Variants in BAG3 observed in about 807,000 individuals in gnomAD.
The protein encoded by BAG3 is BAG cochaperone 3.
A neutral mutation model predicts 40.5 loss-of-function variants in BAG3; 14 were observed. The ratio of observed to expected loss-of-function variants is 0.35; its 90% confidence interval spans 0.23 to 0.54. BAG3 has a LOEUF of 0.54. BAG3 is among the 20% of genes least tolerant of loss of function. BAG3 has a pLI of 0.91. For synonymous variants in BAG3, 302 were observed against 307.8 expected (o/e 0.98, Z 0.20); for missense variants, 788 against 758.6 (o/e 1.04, Z -0.46).
chr10:119,663,463 A>G (rs966986174), intron 1 of BAG3, among the ~76,000 whole-genome samples: 45 of 152,038 alleles, frequency 3.0e-4, no homozygotes, highest in African/African-American at 1.1e-3. Flanking sequence ...CGCCACGGCC[A>G]GCTAATTTTT....
chr10:119,670,199 C>A (rs1375203684), intron 2 of BAG3, 22 bp downstream of exon 2: 1 of 1,585,746 alleles, frequency 6.3e-7, no homozygotes. Context: ...CCAGGCTCAC[C>A]AGCCTGCTGG....
Position 119,677,371 on chromosome 10 carries a change from G to GT in BAG3, c.*94dup. ...CATTTCAGAGACTTTAAGTCAGTTG[G>GT]TTTTTATTAGCTGCTTGGTATGCAG... On this transcript the variant is annotated 3_prime_UTR_variant, in exon 4 of 4. Transcript: ENST00000369085. 1 of 1,533,572 alleles carries GT rather than the reference G, an allele frequency of 6.5e-7. No homozygotes were observed. Among genetic ancestry groups the GT allele is most frequent in the Non-Finnish European group, 8.9e-7 (1 of 1,120,178 alleles). The allele number at this position is 1,533,572 out of a possible 1,614,324, so 95.0% of individuals were successfully genotyped here.
At chr10:119,670,469 T>C (rs943496372) in intron 2 of BAG3, among the ~76,000 whole-genome samples, 9 of 152,360 alleles carry the variant, frequency 5.9e-5, no homozygotes, top group Admixed American at 3.9e-4. Context: ...CTGCTCCAGA[T>C]GCACACAGGT....
At chr10:119,666,011 C>G (rs1847061270) in intron 1 of BAG3, among the ~76,000 whole-genome samples, 1 of 152,190 alleles carries the variant, frequency 6.6e-6, no homozygotes, top group Admixed American at 6.5e-5. Context: ...TCCAGCTGTG[C>G]CGGCAGGCTT....
chr10:119,667,825 A>G (rs1004463791), intron 1 of BAG3, among the ~76,000 whole-genome samples: 1 of 152,204 alleles, frequency 6.6e-6, no homozygotes, highest in African/African-American at 2.4e-5. Flanking sequence ...GGAAGAAACA[A>G]TGAGCCCCTG....
chr10:119,651,556 C>A lies in BAG3; in HGVS notation c.-120C>A. ...GCCTTTAATTCATAAAGGTGCCCGG[C>A]GCCGGCTTCCCGGACACGTCGGCGG... On this transcript the variant is annotated 5_prime_UTR_variant, in exon 1 of 4. Coordinates refer to ENST00000369085, the MANE Select transcript of BAG3 (RefSeq NM_004281.4). 2 of 967,174 alleles carry A rather than the reference C, an allele frequency of 2.1e-6. No homozygotes were observed. Among genetic ancestry groups the A allele is most frequent in the Non-Finnish European group, 1.4e-6 (1 of 719,670 alleles). 59.9% of individuals were successfully genotyped at this position (967,174 alleles called of 1,614,324 possible). A position where few individuals can be genotyped will look rare whatever the true frequency, so the allele number is the denominator to read the frequency against.
chr10:119,664,415 G>A (rs189864093), intron 1 of BAG3, among the ~76,000 whole-genome samples: 1 of 152,312 alleles, frequency 6.6e-6, no homozygotes. Context: ...AGTGAGATAA[G>A]CAGTGAGAGT....
At chr10:119,675,831 C>CT (rs1439012076) in intron 3 of BAG3, among the ~76,000 whole-genome samples, 5 of 42,454 alleles carry the variant, frequency 1.2e-4, no homozygotes, top group Admixed American at 2.6e-4. Flanking sequence ...CTTCCCCCTT[C>CT]CCCCTTCCCT....
intron 1 of BAG3, among the ~76,000 whole-genome samples, chr10:119,655,694 T>G (rs922828919): frequency 6.6e-6 from 1 of 151,934 alleles, no homozygotes; most frequent in Non-Finnish European, 1.5e-5. Context: ...ATGAAAGTGA[T>G]TTGTTGGGGG....
At chr10:119,669,734 T>C in intron 1 of BAG3, 117 bp from the exon 2 acceptor site, 1 of 1,098,004 alleles carries the variant, frequency 9.1e-7, no homozygotes, top group South Asian at 1.3e-5. Flanking sequence ...TGGCTGACGC[T>C]TTGAGGCCCA....
chr10:119,664,130 A>G (rs986430384), intron 1 of BAG3, among the ~76,000 whole-genome samples: 1 of 152,174 alleles, frequency 6.6e-6, no homozygotes. Flanking sequence ...TGTTGCTGCT[A>G]AAAACCACTA....
rs1847164154 is a variant in BAG3 at position 119,672,405 on chromosome 10, G to A, written c.658G>A (p.Ala220Thr). Reference sequence around the variant, plus strand: ...ACACGAGCAGAACGTTACCCGGCCAGCAGCCCAGCCCTCCTTCCACCAAGC... The same window carrying A: ...ACACGAGCAGAACGTTACCCGGCCAACAGCCCAGCCCTCCTTCCACCAAGC... Reference protein sequence around the residue: ...VIHEQNVTRPAAQPSFHQAQK... With the variant: ...VIHEQNVTRPTAQPSFHQAQK... Residue 220 changes from alanine to threonine, a missense_variant, in exon 3 of 4, where the codon GCA (alanine) becomes ACA (threonine). Transcript: ENST00000369085. The surrounding 1 kb of genome is among the most constrained non-coding windows in gnomAD (Gnocchi z 4.8). 1 of 1,614,166 alleles carries A rather than the reference G, an allele frequency of 6.2e-7. No individual in the cohort carries two copies. Among genetic ancestry groups the A allele is most frequent in the Non-Finnish European group, 8.5e-7 (1 of 1,180,030 alleles).
intron 1 of BAG3, among the ~76,000 whole-genome samples, chr10:119,665,112 G>GTGTA (rs1847043176): frequency 2.6e-5 from 2 of 76,894 alleles, no homozygotes; most frequent in African/African-American, 9.5e-5. Flanking sequence ...GTGTGTGTGT[G>GTGTA]TGTGTGTGTG....
intron 1 of BAG3, among the ~76,000 whole-genome samples, chr10:119,656,299 T>C (rs1381696624): frequency 6.6e-5 from 10 of 151,796 alleles, no homozygotes; most frequent in Admixed American, 5.3e-4. Flanking sequence ...CTCCAGCCCC[T>C]CCTGGGTTCC....
chr10:119,651,620 G>C lies in BAG3; in HGVS notation c.-56G>C, dbSNP rs1846840468. On this transcript the variant is annotated 5_prime_UTR_variant, in exon 1 of 4. Coordinates refer to ENST00000369085, the MANE Select transcript of BAG3 (RefSeq NM_004281.4). ...ACGGCGGCGGCCCGGCCAGAGACTC[G>C]GCGCCCGGAGCCAGCGCCCCGCACC... The C allele has an allele frequency of 7.0e-7, 1 of 1,429,436 alleles. No individual in the cohort carries two copies. Among genetic ancestry groups the C allele is most frequent in the Non-Finnish European group, 9.2e-7 (1 of 1,086,230 alleles). The allele number at this position is 1,429,436 out of a possible 1,614,324, so 88.5% of individuals were successfully genotyped here.
In BAG3 at chr10:119,676,437, A is replaced by G. The variant is rs768070681; in HGVS notation, c.910-27A>G. 74 of 1,610,100 alleles carry G rather than the reference A, an allele frequency of 4.6e-5. No individual in the cohort carries two copies. The South Asian group carries it at 4.7e-4, about 10-fold the overall frequency. ...TCTGTGACTTTCAGTCAGTTATTAA[A>G]AATATATTTTTGTGTCCTTTTTTCA... On this transcript the variant is annotated intron_variant, in intron 3 of 3. Coordinates refer to ENST00000369085, the MANE Select transcript of BAG3 (RefSeq NM_004281.4).
intron 1 of BAG3, among the ~76,000 whole-genome samples, chr10:119,668,431 A>G (rs1220067232): frequency 6.6e-6 from 1 of 152,272 alleles, no homozygotes; most frequent in Non-Finnish European, 1.5e-5. Context: ...TTCGCCGTGC[A>G]GACAGCTGCC....
chr10:119,659,283 G>A (rs7086437), intron 1 of BAG3, among the ~76,000 whole-genome samples: 32,834 of 150,006 alleles, frequency 0.22, 3,726 homozygotes, highest in Non-Finnish European at 0.26. Context: ...TGTGTAGAGC[G>A]CTGGCTTTAC....
In BAG3 at chr10:119,677,395, A is replaced by C. The variant is rs554678926; in HGVS notation, c.*113A>C. 1 of 1,363,886 alleles carries C rather than the reference A, an allele frequency of 7.3e-7. No homozygotes were observed. Among genetic ancestry groups the C allele is most frequent in the Non-Finnish European group, 1.0e-6 (1 of 973,132 alleles). 84.5% of individuals were successfully genotyped at this position (1,363,886 alleles called of 1,614,324 possible). A position where few individuals can be genotyped will look rare whatever the true frequency, so the allele number is the denominator to read the frequency against. On this transcript the variant is annotated 3_prime_UTR_variant, in exon 4 of 4. Coordinates refer to ENST00000369085, the MANE Select transcript of BAG3 (RefSeq NM_004281.4). ...GGTTTTTATTAGCTGCTTGGTATGC[A>C]GTAACTTGGGTGGAGGCAAAACACT...
Sources: allele counts gnomAD v4.1 joint callset (sites outside exome capture counted in the v4.1 genomes callset), GRCh38; gene constraint gnomAD v4.1.1; non-coding constraint Gnocchi (gnomAD v3.1); transcripts MANE v1.5; gene names NCBI Gene and HGNC (gene_info 2026-07-23, HGNC 2026-07-21).